Variants in CLIP1 observed in about 807,000 individuals in gnomAD.
CLIP1 encodes the protein CAP-Gly domain-containing linker protein 1.
CLIP1 carries 66 observed loss-of-function variants against 161.6 expected under a neutral mutation model. The observed-to-expected ratio is 0.41, with a 90% CI of 0.33 to 0.50. The LOEUF is 0.50. CLIP1 is among the 20% of genes least tolerant of loss of function. The pLI is 0.27. For synonymous variants in CLIP1, 598 were observed against 626.2 expected (o/e 0.96, Z 0.67); for missense variants, 1,376 against 1,702.0 (o/e 0.81, Z 3.37).
rs1477639147 is a variant in CLIP1 at position 122,365,687 on chromosome 12, A to C, written c.658-1580T>G. The C allele has an allele frequency of 1.6e-5, 11 of 676,092 alleles. No individual in the cohort carries two copies. In the Admixed American group the frequency reaches 3.0e-4, roughly 18 times the overall value. 41.9% of individuals were successfully genotyped at this position (676,092 alleles called of 1,614,324 possible). A position where few individuals can be genotyped will look rare whatever the true frequency, so the allele number is the denominator to read the frequency against. Reference sequence around the variant, plus strand: ...GACCTCTGGGCTATTTAAAAAAAAAAAAAAAGAAAGAACTGCTCCTGCTTC... The same window carrying C: ...GACCTCTGGGCTATTTAAAAAAAAACAAAAAGAAAGAACTGCTCCTGCTTC... On this transcript the variant is annotated intron_variant, in intron 3 of 25. Transcript: ENST00000620786.
intron 5 of CLIP1, 58 bp downstream of exon 5, chr12:122,360,901 A>AC: frequency 7.0e-7 from 1 of 1,419,206 alleles, no homozygotes; most frequent in Non-Finnish European, 9.6e-7. Context: ...AGGGGCACTG[A>AC]CCACGGGCCT....
At chr12:122,385,213 G>T (rs528701927) in intron 1 of CLIP1, among the ~76,000 whole-genome samples, 1 of 152,098 alleles carries the variant, frequency 6.6e-6, no homozygotes, top group Non-Finnish European at 1.5e-5. Context: ...TTACAGGCGT[G>T]AGACACCGCA....
chr12:122,295,532 T>C (rs1006628383), intron 20 of CLIP1, among the ~76,000 whole-genome samples: 1 of 152,244 alleles, frequency 6.6e-6, no homozygotes, highest in South Asian at 2.1e-4. Flanking sequence ...GTCTAACACA[T>C]AACCTGTCCT....
intron 1 of CLIP1, among the ~76,000 whole-genome samples, chr12:122,397,835 A>G (rs551991596): frequency 3.8e-4 from 58 of 151,914 alleles, no homozygotes; most frequent in African/African-American, 1.3e-3. Context: ...CATGCCTGTA[A>G]TCCCAGCTAC....
chr12:122,380,329 T>A, intron 2 of CLIP1, 39 bp downstream of exon 2: 2 of 1,268,004 alleles, frequency 1.6e-6, no homozygotes, highest in Non-Finnish European at 2.2e-6. Flanking sequence ...AATTGAAGTC[T>A]CCATATAGGA....
chr12:122,422,040 A>C (rs1041977923), intron 1 of CLIP1, among the ~76,000 whole-genome samples: 1 of 152,124 alleles, frequency 6.6e-6, no homozygotes, highest in African/African-American at 2.4e-5. Context: ...TCCATGCCGG[A>C]TCGCGGGCGC....
At chr12:122,334,325 G>GC (rs1455343906) in intron 13 of CLIP1, among the ~76,000 whole-genome samples, 1 of 152,200 alleles carries the variant, frequency 6.6e-6, no homozygotes, top group African/African-American at 2.4e-5. Flanking sequence ...CTTCAGACAG[G>GC]CATCAGGCCC....
At chr12:122,299,966 A>C (rs1950619944) in intron 20 of CLIP1, among the ~76,000 whole-genome samples, 1 of 151,780 alleles carries the variant, frequency 6.6e-6, no homozygotes, top group African/African-American at 2.4e-5. Flanking sequence ...CTTAGAAATA[A>C]CCACAACTAG....
At chr12:122,305,781 C>G (rs1330000969) in intron 20 of CLIP1, among the ~76,000 whole-genome samples, 1 of 152,010 alleles carries the variant, frequency 6.6e-6, no homozygotes, top group Non-Finnish European at 1.5e-5. Flanking sequence ...AAAAAGCAGT[C>G]AGATGGCTGA....
Position 122,368,565 on chromosome 12 carries a change from G to A in CLIP1, c.658-4458C>T, listed in dbSNP as rs531732013. 9.2e-5 allele frequency among the ~76,000 whole-genome samples: 14 copies of A among 152,230 alleles called. No individual in the cohort carries two copies. The South Asian group carries it at 2.3e-3, about 25-fold the overall frequency. On this transcript the variant is annotated intron_variant, in intron 3 of 25. Transcript: ENST00000620786. The stretch of plus-strand genomic sequence containing the variant: ...AAATGTCTCAAGAGCAGTAATGAGG[G>A]GTTGTTTCACAGGAATTTTGTGAGC...
upstream of CLIP1, among the ~76,000 whole-genome samples, chr12:122,422,912 A>C (rs1441546408): frequency 6.6e-6 from 1 of 151,868 alleles, no homozygotes; most frequent in Non-Finnish European, 1.5e-5. Flanking sequence ...GCGAGGGAAA[A>C]CCCACAGGCC....
At position 122,377,555 on chromosome 12, in the gene CLIP1, G is replaced by A. The variant is rs776607867; in HGVS notation, c.491C>T (p.Pro164Leu). Residue 164 changes from proline (P) to leucine (L), a missense_variant, in exon 3 of 26, where the codon CCT becomes CTT. By Grantham distance (98) the Pro-to-Leu change is moderately conservative. Transcript: ENST00000620786. Reference protein sequence around the residue: ...ASMVSSSPSTPSNIPQKPSQP... With the variant: ...ASMVSSSPSTLSNIPQKPSQP... ...TGATGGTTTCTGAGGGATGTTTGAAGGGGTGGAGGGGGAGGAAGACACCAT... is the reference window on the plus strand; with the variant it reads ...TGATGGTTTCTGAGGGATGTTTGAAAGGGTGGAGGGGGAGGAAGACACCAT... 1.2e-6 allele frequency: 2 copies of A among 1,613,920 alleles called. No individual in the cohort carries two copies. Among genetic ancestry groups the A allele is most frequent in the East Asian group, 2.2e-5 (1 of 44,870 alleles).
intron 12 of CLIP1, 46 bp from the exon 13 acceptor site, chr12:122,334,751 G>T: frequency 8.3e-7 from 1 of 1,208,540 alleles, no homozygotes; most frequent in Non-Finnish European, 1.2e-6. Context: ...ATTTCAAATT[G>T]TAAAGACAAG....
intron 1 of CLIP1, chr12:122,399,600 TG>T (rs1566230082): frequency 6.6e-6 from 1 of 152,134 alleles, no homozygotes; most frequent in Non-Finnish European, 1.5e-5. Context: ...AAAATTCTGT[TG>T]GGAGGCAAAG....
Position 122,316,763 on chromosome 12 carries a change from T to G in CLIP1, c.3459A>C (p.Glu1153Asp). The G allele has an allele frequency of 6.4e-7, 1 of 1,557,464 alleles. No homozygotes were observed. Among genetic ancestry groups the G allele is most frequent in the Admixed American group, 2.0e-5 (1 of 49,218 alleles). ...LLTVENQKME[E>D]FRKEIETLKQ... Reference sequence around the variant, plus strand: ...TAGAAACTTACATTTCTTTCCTAAATTCTTCCATTTTTTGATTCTCTACAG... The same window carrying G: ...TAGAAACTTACATTTCTTTCCTAAAGTCTTCCATTTTTTGATTCTCTACAG... The change falls in exon 19 of 26, where the codon GAA (glutamate) becomes GAC (aspartate). Residue 1153 changes from glutamate to aspartate, a missense_variant. Glu to Asp is a conservative substitution (Grantham distance 45, BLOSUM62 2). Coordinates refer to ENST00000620786, the MANE Select transcript of CLIP1 (RefSeq NM_001247997.2).
rs1372479925 is a variant in CLIP1 at position 122,347,387 on chromosome 12, T to C, written c.1494A>G (p.Leu498=). Reference sequence around the variant, plus strand: ...TGAAAACCATTACCCTAGTGTCTTCTAACTCCCTCTGGAGTTTGTCAGCTT... The same window carrying C: ...TGAAAACCATTACCCTAGTGTCTTCCAACTCCCTCTGGAGTTTGTCAGCTT... ...KTKADKLQRE[L]EDTRVATVSE... The change falls in exon 10 of 26, where the codon TTA becomes TTG. Residue 498 remains leucine (L), a synonymous_variant. Transcript: ENST00000620786. 1.2e-6 allele frequency: 2 copies of C among 1,610,574 alleles called. No individual in the cohort carries two copies. Among genetic ancestry groups the C allele is most frequent in the Non-Finnish European group, 1.7e-6 (2 of 1,176,754 alleles).
At chr12:122,369,284 A>T (rs1339852553) in intron 3 of CLIP1, among the ~76,000 whole-genome samples, 1 of 151,960 alleles carries the variant, frequency 6.6e-6, no homozygotes, top group African/African-American at 2.4e-5. Flanking sequence ...GACCTCCCAA[A>T]ATGCTAGGAT....
intron 21 of CLIP1, among the ~76,000 whole-genome samples, chr12:122,286,545 A>AG (rs1955862088): frequency 6.7e-6 from 1 of 148,894 alleles, no homozygotes; most frequent in East Asian, 1.9e-4. Context: ...AAAAAAAAAA[A>AG]AAAAAAAGTA....
intron 1 of CLIP1, among the ~76,000 whole-genome samples, chr12:122,419,855 G>A (rs929737850): frequency 6.8e-6 from 1 of 148,100 alleles, no homozygotes; most frequent in Non-Finnish European, 1.5e-5. Flanking sequence ...AGAATTGCTT[G>A]AGCCTGGGAA....
Sources: allele counts gnomAD v4.1 joint callset (sites outside exome capture counted in the v4.1 genomes callset), GRCh38; gene constraint gnomAD v4.1.1; transcripts MANE v1.5; gene names NCBI Gene and HGNC (gene_info 2026-07-23, HGNC 2026-07-21).